The following NDUFAF6 variants were observed in gnomAD, a reference collection of about 807,000 sequenced individuals.
NDUFAF6 encodes NADH dehydrogenase (ubiquinone) complex I, assembly factor 6.
Under a neutral mutation model 40.8 loss-of-function variants are expected in NDUFAF6, and 45 were observed. The observed-to-expected ratio is 1.10, with a 90% CI of 0.87 to 1.42. NDUFAF6 has a LOEUF of 1.42. Among genes scored for constraint, NDUFAF6 ranks in the 40% most tolerant of loss-of-function variants. NDUFAF6 has a pLI of 0.00. For missense variants in NDUFAF6, 435 were observed against 418.5 expected, an observed-to-expected ratio of 1.04 and a Z score of -0.34; for synonymous variants, 185 against 155.9, an observed-to-expected ratio of 1.19 and a Z score of -1.39.
intron 1 of NDUFAF6, among the ~76,000 whole-genome samples, chr8:94,908,614 C>T (rs927990701): frequency 2.0e-5 from 3 of 152,212 alleles, no homozygotes; most frequent in Non-Finnish European, 4.4e-5. Context: ...AAGTAATCCT[C>T]CCATCTCAGC....
chr8:95,073,620 A>G (rs373799856), intron 9 of NDUFAF6, among the ~76,000 whole-genome samples: 35 of 152,202 alleles, frequency 2.3e-4, no homozygotes, highest in East Asian at 7.7e-4. Flanking sequence ...GCCATGGCTC[A>G]TTCTAACACC....
At chr8:95,021,355 G>T (rs536191542), upstream of NDUFAF6, among the ~76,000 whole-genome samples, 4 of 152,178 alleles carry the variant, frequency 2.6e-5, no homozygotes, top group Non-Finnish European at 5.9e-5. Flanking sequence ...TTGCCAAATG[G>T]AAATCTCTTT....
intron 2 of NDUFAF6, among the ~76,000 whole-genome samples, chr8:95,011,112 G>T (rs1314328820): frequency 6.6e-6 from 1 of 152,190 alleles, no homozygotes; most frequent in Non-Finnish European, 1.5e-5. Context: ...TAAACGGGAG[G>T]CTGTCACCAG....
chr8:94,953,737 A>G (rs1427417033), upstream of NDUFAF6, among the ~76,000 whole-genome samples: 2 of 152,228 alleles, frequency 1.3e-5, no homozygotes, highest in African/African-American at 4.8e-5. Flanking sequence ...TGCAGATGAT[A>G]TGGTTACTAC....
chr8:94,905,869 G>C (rs1422262347), intron 1 of NDUFAF6, among the ~76,000 whole-genome samples: 2 of 152,200 alleles, frequency 1.3e-5, no homozygotes, highest in Non-Finnish European at 2.9e-5. Flanking sequence ...GTAGATTACT[G>C]TGCTGGTTTG....
At chr8:94,940,762 A>G (rs1563731548) in intron 1 of NDUFAF6, 1 of 1,244,564 alleles carries the variant, frequency 8.0e-7, no homozygotes, top group Non-Finnish European at 1.2e-6. Context: ...TTCCTTATGC[A>G]AAAACTGAGA....
chr8:94,930,762 A>G (rs1223922283), intron 1 of NDUFAF6: 2 of 1,607,086 alleles, frequency 1.2e-6, no homozygotes, highest in Admixed American at 1.7e-5. Flanking sequence ...GTATTAAATA[A>G]CAGAGTATGT....
intron 2 of NDUFAF6, among the ~76,000 whole-genome samples, chr8:95,094,337 A>G (rs1181762790): frequency 7.6e-6 from 1 of 130,804 alleles, no homozygotes; most frequent in Non-Finnish European, 1.7e-5. Context: ...CAACTATTCT[A>G]TGTCTTTCCT....
chr8:95,105,133 G>T (rs1038216821), downstream of NDUFAF6, among the ~76,000 whole-genome samples: 14 of 149,698 alleles, frequency 9.4e-5, no homozygotes, highest in Middle Eastern at 3.5e-3. Context: ...TAGCCCAAGA[G>T]AAAGAAAAAG....
chr8:95,056,125 A>G (rs1832096231), intron 8 of NDUFAF6, among the ~76,000 whole-genome samples: 1 of 152,192 alleles, frequency 6.6e-6, no homozygotes, highest in Non-Finnish European at 1.5e-5. Context: ...TGAGATTTGT[A>G]CATATTACTG....
intron 1 of NDUFAF6, chr8:94,941,048 G>T (rs925130920): frequency 5.3e-6 from 4 of 752,216 alleles, no homozygotes; most frequent in Non-Finnish European, 8.8e-6. Flanking sequence ...AAGTGCACAG[G>T]GTGCTTATTC....
intron 9 of NDUFAF6, chr8:95,068,696 C>T (rs1360901824): frequency 2.0e-5 from 3 of 151,848 alleles, no homozygotes; most frequent in South Asian, 2.1e-4. Flanking sequence ...AGTAACAACA[C>T]GACACTTTTC....
At chr8:95,078,662 A>AAAATATATATAT (rs545018367), downstream of NDUFAF6, 1 of 121,052 alleles carries the variant, frequency 8.3e-6, no homozygotes, top group African/African-American at 3.3e-5. Context: ...AAAAAAAAAA[A>AAAATATATATAT]ATATATATAT....
intron 1 of NDUFAF6, chr8:94,896,649 G>T (rs1036870046): frequency 6.6e-6 from 1 of 152,062 alleles, no homozygotes; most frequent in Non-Finnish European, 1.5e-5. Context: ...GACGGCGAGC[G>T]GGCCGCGCCG....
At chr8:94,919,431 C>T (rs1250602821) in intron 1 of NDUFAF6, among the ~76,000 whole-genome samples, 4 of 152,164 alleles carry the variant, frequency 2.6e-5, no homozygotes, top group Non-Finnish European at 5.9e-5. Context: ...CAGGCAGCTA[C>T]CTGAGCCAGA....
chr8:95,062,265 C>G (rs549121021), downstream of NDUFAF6, among the ~76,000 whole-genome samples: 3 of 152,252 alleles, frequency 2.0e-5, no homozygotes, highest in South Asian at 6.2e-4. Context: ...CCCCAAACCT[C>G]TGTTGCTCCA....
Position 95,037,900 on chromosome 8 carries a change from C to T in NDUFAF6, c.420+2324C>T, listed in dbSNP as rs944086869. 2.0e-5 allele frequency among the ~76,000 whole-genome samples: 3 copies of T among 152,154 alleles called. No individual in the cohort carries two copies. In the East Asian group the frequency reaches 5.8e-4, roughly 29 times the overall value. ...TACGAAATTCAAAGCAGGACAAACACCTCTATACCCTTTATCCAGATTCAT... is the reference window on the plus strand; with the variant it reads ...TACGAAATTCAAAGCAGGACAAACATCTCTATACCCTTTATCCAGATTCAT... On this transcript the variant is annotated intron_variant, in intron 3 of 8. Transcript: ENST00000396124.
chr8:94,979,107 G>A (rs948458247), intron 1 of NDUFAF6, among the ~76,000 whole-genome samples: 4 of 152,130 alleles, frequency 2.6e-5, no homozygotes, highest in South Asian at 2.1e-4. Context: ...TTTAGCATGC[G>A]GCTAAAACTG....
upstream of NDUFAF6, among the ~76,000 whole-genome samples, chr8:94,955,212 T>A (rs2131445892): frequency 6.6e-6 from 1 of 152,354 alleles, no homozygotes; most frequent in African/African-American, 2.4e-5. Context: ...GTTCATTTTG[T>A]GTTGCTATAA....
Sources: allele counts gnomAD v4.1 joint callset (sites outside exome capture counted in the v4.1 genomes callset), GRCh38; gene constraint gnomAD v4.1.1; transcripts MANE v1.5; gene names NCBI Gene and HGNC (gene_info 2026-07-23, HGNC 2026-07-21).